Variants in TECPR2 observed in about 807,000 individuals in gnomAD.
The protein encoded by TECPR2 is tectonin beta-propeller repeat-containing protein 2.
Under a neutral mutation model 138.1 loss-of-function variants are expected in TECPR2, and 65 were observed. The observed-to-expected ratio is 0.47, with a 90% CI of 0.39 to 0.58. The LOEUF is 0.58. Ranked by LOEUF, TECPR2 falls within the 20% of genes least tolerant of loss-of-function variation. The probability of loss-of-function intolerance (pLI) is 0.00; values close to 1 mark genes in which losing one functional copy is unlikely to be tolerated. For synonymous variants in TECPR2, 746 were observed against 749.8 expected (o/e 0.99, Z 0.08); for missense variants, 1,553 against 1,824.5 (o/e 0.85, Z 2.71).
chr14:102,467,181 G>C (rs1187975682), intron 17 of TECPR2, among the ~76,000 whole-genome samples: 1 of 152,156 alleles, frequency 6.6e-6, no homozygotes, highest in East Asian at 1.9e-4. Context: ...TTGGGTATCT[G>C]TCTGTAAGTG....
intron 17 of TECPR2, among the ~76,000 whole-genome samples, chr14:102,477,954 AAAAGAGTT>A (rs960920007): frequency 2.7e-5 from 4 of 148,918 alleles, no homozygotes; most frequent in African/African-American, 9.8e-5. Context: ...AAAAAAAAAA[AAAAGAGTT>A]AGCCAGGACG....
rs1030816728 is a variant in TECPR2 at position 102,419,091 on chromosome 14, G to A, written c.638+4298G>A. On this transcript the variant is annotated intron_variant, in intron 5 of 19. Coordinates refer to ENST00000359520, the MANE Select transcript of TECPR2 (RefSeq NM_014844.5). The surrounding 1 kb of genome is among the most constrained non-coding windows in gnomAD (Gnocchi z 4.8). The stretch of plus-strand genomic sequence containing the variant: ...GCCACTGGCATGCAGACAGGAGCTC[G>A]CCTAGGGAGATTTGGGCAGGCTTGT... 6.6e-5 allele frequency among the ~76,000 whole-genome samples: 10 copies of A among 152,114 alleles called. No homozygotes were observed. Among genetic ancestry groups the A allele is most frequent in the Admixed American group, 3.3e-4 (5 of 15,282 alleles).
Position 102,445,818 on chromosome 14 carries a change from T to C in TECPR2, c.2946T>C (p.Ala982=), listed in dbSNP as rs752264313. ...TCCTTATTTTCAGCGAAAGGCAAGC[T>C]TTAGAACCCGTCTGCATAACGCTCG... ...WKCDIVSERQ[A]LEPVCITLGD... Residue 982 remains alanine (A), a synonymous_variant, in exon 13 of 20, where the codon GCT becomes GCC. Coordinates refer to ENST00000359520, the MANE Select transcript of TECPR2 (RefSeq NM_014844.5). 6.2e-7 allele frequency: 1 copy of C among 1,613,938 alleles called. No individual in the cohort carries two copies. The highest frequency in any genetic ancestry group is 1.1e-5 in the South Asian group (1 of 91,060).
chr14:102,410,489 T>TAAAAAAACAAATAAAAAAA (rs1386155351), intron 4 of TECPR2, among the ~76,000 whole-genome samples: 1 of 117,810 alleles, frequency 8.5e-6, no homozygotes, highest in Non-Finnish European at 1.8e-5. Context: ...AAATAAAAAA[T>TAAAAAAACAAATAAAAAAA]AAAAAATAAA....
intron 5 of TECPR2, among the ~76,000 whole-genome samples, chr14:102,416,357 G>C (rs1266535573): frequency 6.6e-6 from 1 of 152,140 alleles, no homozygotes; most frequent in East Asian, 1.9e-4. Flanking sequence ...CCGACCTCAG[G>C]TGATCCGCCT....
intron 2 of TECPR2, among the ~76,000 whole-genome samples, chr14:102,399,216 C>G (rs1888403205): frequency 6.6e-6 from 1 of 150,886 alleles, no homozygotes; most frequent in Non-Finnish European, 1.5e-5. Context: ...GAGCTGAGAT[C>G]AGGACACTGC....
At chr14:102,457,869 C>CATTTTTTTTTTTT (rs1890311719) in intron 16 of TECPR2, among the ~76,000 whole-genome samples, 1 of 102,772 alleles carries the variant, frequency 9.7e-6, no homozygotes, top group African/African-American at 4.1e-5. Flanking sequence ...ACTAAATTCC[C>CATTTTTTTTTTTT]TTTTTTTTTT....
At chr14:102,431,546 G>T (rs141686740) in intron 7 of TECPR2, among the ~76,000 whole-genome samples, 1 of 152,040 alleles carries the variant, frequency 6.6e-6, no homozygotes, top group Admixed American at 6.6e-5. Context: ...GTTTCACTGT[G>T]TTAGCCAGGA....
At chr14:102,393,980 A>G (rs922987979) in intron 2 of TECPR2, among the ~76,000 whole-genome samples, 2 of 152,208 alleles carry the variant, frequency 1.3e-5, no homozygotes, top group African/African-American at 2.4e-5. Context: ...TCATTTTTAT[A>G]ATGATAAATT....
chr14:102,405,314 GAAAC>G (rs1424967640), intron 2 of TECPR2, among the ~76,000 whole-genome samples: 2 of 151,892 alleles, frequency 1.3e-5, no homozygotes, highest in African/African-American at 4.8e-5. Context: ...ATCTCAAAAA[GAAAC>G]AAACAGACAA....
chr14:102,428,530 G>T, intron 7 of TECPR2, 148 bp downstream of exon 7: 2 of 1,250,342 alleles, frequency 1.6e-6, no homozygotes, highest in South Asian at 2.7e-5. Context: ...GGAGGCTGAG[G>T]TGGGTGGATC....
At chr14:102,448,866 C>CA (rs879456243) in intron 13 of TECPR2, among the ~76,000 whole-genome samples, 52 of 140,128 alleles carry the variant, frequency 3.7e-4, no homozygotes, top group Non-Finnish European at 4.1e-4. Context: ...GACTATGTCT[C>CA]AAAAAAAAAA....
rs374680065 is a variant in TECPR2, at chr14:102,445,933, G to T, written c.3061G>T (p.Asp1021Tyr). 1.2e-6 allele frequency: 2 copies of T among 1,613,744 alleles called. No homozygotes were observed. Among genetic ancestry groups the T allele is most frequent in the Non-Finnish European group, 8.5e-7 (1 of 1,179,856 alleles). Reference protein sequence around the residue: ...IISKKPQGDDDHWWQVSITDY... With the variant: ...IISKKPQGDDYHWWQVSITDY... Reference sequence around the variant, plus strand: ...TTCCAAGAAGCCCCAAGGAGATGACGACCATTGGTGGCAAGTAGGTGTTCA... The same window carrying T: ...TTCCAAGAAGCCCCAAGGAGATGACTACCATTGGTGGCAAGTAGGTGTTCA... Residue 1021 changes from aspartate to tyrosine, a missense_variant, in exon 13 of 20, where the codon GAC (aspartate) becomes TAC (tyrosine). Transcript: ENST00000359520.
chr14:102,406,589 C>T (rs1404283998), intron 2 of TECPR2, among the ~76,000 whole-genome samples: 1 of 152,004 alleles, frequency 6.6e-6, no homozygotes, highest in African/African-American at 2.4e-5. Context: ...TGCAGTGGCT[C>T]ACATCTGTAA....
At position 102,498,438 on chromosome 14, in the gene TECPR2, C is replaced by T. The variant is rs1891353044; in HGVS notation, c.*181C>T. Reference sequence around the variant, plus strand: ...GTCTCGTTCCAGAACCCACAGCCTCCACCCGTGGCTGGCGTGATTGCTGCA... The same window carrying T: ...GTCTCGTTCCAGAACCCACAGCCTCTACCCGTGGCTGGCGTGATTGCTGCA... On this transcript the variant is annotated 3_prime_UTR_variant, in exon 20 of 20. Transcript: ENST00000359520. 1 of 812,294 alleles carries T rather than the reference C, an allele frequency of 1.2e-6. No homozygotes were observed. Among genetic ancestry groups the T allele is most frequent in the South Asian group, 1.8e-5 (1 of 54,798 alleles). 50.3% of individuals were successfully genotyped at this position (812,294 alleles called of 1,614,324 possible). A position where few individuals can be genotyped will look rare whatever the true frequency, so the allele number is the denominator to read the frequency against.
At chr14:102,408,400 G>A in intron 3 of TECPR2, 88 bp from the exon 4 acceptor site, 2 of 1,414,102 alleles carry the variant, frequency 1.4e-6, no homozygotes, top group Non-Finnish European at 1.9e-6. Context: ...CCCTAACTAG[G>A]AGTGATTGTA....
At chr14:102,460,192 C>T (rs2139765551) in intron 16 of TECPR2, among the ~76,000 whole-genome samples, 1 of 152,188 alleles carries the variant, frequency 6.6e-6, no homozygotes, top group Non-Finnish European at 1.5e-5. Flanking sequence ...ATCGCTTGAA[C>T]CCGAGAGGCA....
chr14:102,439,160 G>A (rs921650200), intron 10 of TECPR2, among the ~76,000 whole-genome samples: 2 of 151,984 alleles, frequency 1.3e-5, no homozygotes, highest in African/African-American at 2.4e-5. Flanking sequence ...CACTACGCCC[G>A]GCTTTGCTTG....
rs1256936620 is a variant in TECPR2 at position 102,434,404 on chromosome 14, C to T, written c.1587C>T (p.Ser529=). 1 of 1,529,248 alleles carries T rather than the reference C, an allele frequency of 6.5e-7. No homozygotes were observed. Among genetic ancestry groups the T allele is most frequent in the Non-Finnish European group, 8.8e-7 (1 of 1,139,474 alleles). The allele number at this position is 1,529,248 out of a possible 1,614,324, so 94.7% of individuals were successfully genotyped here. The change falls in exon 9 of 20, where the codon AGC becomes AGT. Residue 529 remains serine (S), a synonymous_variant. Transcript: ENST00000359520. Reference sequence around the variant, plus strand: ...CAGAGTCTCCAGACCAGGAAAGCAGCTTCAATGGTGAAGTGAACGGTGTCC... The same window carrying T: ...CAGAGTCTCCAGACCAGGAAAGCAGTTTCAATGGTGAAGTGAACGGTGTCC... ...LSAESPDQES[S]FNGEVNGVPQ...
Sources: allele counts gnomAD v4.1 joint callset (sites outside exome capture counted in the v4.1 genomes callset), GRCh38; gene constraint gnomAD v4.1.1; non-coding constraint Gnocchi (gnomAD v3.1); transcripts MANE v1.5; gene names NCBI Gene and HGNC (gene_info 2026-07-23, HGNC 2026-07-21).